The following ADAT1 variants were observed in gnomAD, a reference collection of about 807,000 sequenced individuals.
The protein encoded by ADAT1 is tRNA-specific adenosine deaminase 1.
A neutral mutation model predicts 58.6 loss-of-function variants in ADAT1; 58 were observed. That is an observed-to-expected ratio of 0.99 (90% CI 0.80 to 1.23). The LOEUF is 1.23. Ranked by LOEUF, ADAT1 falls within the 50% of genes most tolerant of loss-of-function variation. The pLI, the probability that ADAT1 is intolerant of heterozygous loss-of-function variation, is 0.00. For missense variants in ADAT1, 741 were observed against 608.6 expected (o/e 1.22, Z -2.29); for synonymous variants, 254 against 220.8 (o/e 1.15, Z -1.33).
chr16:75,602,995 C>G (rs949134547), intron 9 of ADAT1, 90 bp downstream of exon 9: 10 of 1,186,316 alleles, frequency 8.4e-6, no homozygotes, highest in East Asian at 2.3e-5. Flanking sequence ...TGCTGAACCA[C>G]CACTCCTGCC....
At chr16:75,604,645 G>C (rs1049278000) in intron 8 of ADAT1, among the ~76,000 whole-genome samples, 6 of 151,110 alleles carry the variant, frequency 4.0e-5, no homozygotes, top group Non-Finnish European at 8.8e-5. Context: ...TTTATAAAGC[G>C]CAACTATAAA....
chr16:75,606,057 G>GA (rs961601303), intron 8 of ADAT1, among the ~76,000 whole-genome samples: 1 of 150,418 alleles, frequency 6.6e-6, no homozygotes, highest in African/African-American at 2.4e-5. Context: ...AGATTGGGGG[G>GA]GGGGTCTCAT....
intron 8 of ADAT1, among the ~76,000 whole-genome samples, chr16:75,604,417 A>G (rs2081307078): frequency 8.3e-6 from 1 of 120,184 alleles, no homozygotes; most frequent in Non-Finnish European, 1.6e-5. Context: ...TGGGTGACAG[A>G]GTGAGATTCT....
chr16:75,600,168 A>G lies in ADAT1; in HGVS notation c.*48T>C. ...GCTAAGACTTGTCCTGCGTGGAGGA[A>G]GGCAGTTCAGGATGAAGGGTCCTGC... On this transcript the variant is annotated 3_prime_UTR_variant, in exon 10 of 10. Transcript: ENST00000564657. The G allele has an allele frequency of 6.2e-7, 1 of 1,608,916 alleles. No homozygotes were observed. Among genetic ancestry groups the G allele is most frequent in the East Asian group, 2.2e-5 (1 of 44,790 alleles).
rs1489220123 is a variant in ADAT1, at chr16:75,598,275, C to T, written c.*1941G>A. Reference sequence around the variant, plus strand: ...TATTTTTAGTAGAAAGGGGCTTCACCATGTTGGCCAGGATGGTCTTGATCT... The same window carrying T: ...TATTTTTAGTAGAAAGGGGCTTCACTATGTTGGCCAGGATGGTCTTGATCT... On this transcript the variant is annotated 3_prime_UTR_variant, in exon 10 of 10. Transcript: ENST00000564657. 9 of 349,982 alleles carry T rather than the reference C, an allele frequency of 2.6e-5. No individual in the cohort carries two copies. The highest frequency in any genetic ancestry group is 1.8e-4 in the South Asian group (9 of 49,074). The allele number at this position is 349,982 out of a possible 1,614,324, so 21.7% of individuals were successfully genotyped here.
intron 7 of ADAT1, 128 bp from the exon 8 acceptor site, chr16:75,608,451 C>T (rs1423559333): frequency 3.1e-5 from 24 of 769,882 alleles, no homozygotes; most frequent in Admixed American, 1.0e-4. Flanking sequence ...CAGACAATGA[C>T]TGCTATTGGA....
intron 8 of ADAT1, 37 bp from the exon 9 acceptor site, chr16:75,603,208 T>C (rs773703920): frequency 5.8e-6 from 9 of 1,562,386 alleles, no homozygotes; most frequent in Middle Eastern, 1.7e-4. Context: ...ATTTATTAAG[T>C]GTTTAGTATG....
Position 75,598,482 on chromosome 16 carries a change from T to C in ADAT1, c.*1734A>G, listed in dbSNP as rs1024135929. On this transcript the variant is annotated 3_prime_UTR_variant, in exon 10 of 10. Transcript: ENST00000564657. The stretch of plus-strand genomic sequence containing the variant: ...AATTTGTGATGAAAATGTTCTAAAA[T>C]TGATGGTTGCACAACTCTGTGGATA... Among the ~76,000 whole-genome samples, 6 of 152,088 alleles carry C rather than the reference T, an allele frequency of 3.9e-5. No homozygotes were observed. Among genetic ancestry groups the C allele is most frequent in the South Asian group, 2.1e-4 (1 of 4,832 alleles).
chr16:75,608,499 T>A (rs904721267), intron 7 of ADAT1, 176 bp from the exon 8 acceptor site: 1 of 595,448 alleles, frequency 1.7e-6, no homozygotes, highest in Admixed American at 3.1e-5. Flanking sequence ...AAGTGGTTCA[T>A]AATTCATTAT....
intron 8 of ADAT1, among the ~76,000 whole-genome samples, chr16:75,606,358 C>T (rs1597100519): frequency 6.6e-6 from 1 of 152,232 alleles, no homozygotes; most frequent in East Asian, 1.9e-4. Flanking sequence ...CTTAGCAATC[C>T]CCTCCCATAC....
At chr16:75,606,821 A>G (rs1390080265) in intron 8 of ADAT1, among the ~76,000 whole-genome samples, 2 of 152,244 alleles carry the variant, frequency 1.3e-5, no homozygotes, top group African/African-American at 4.8e-5. Flanking sequence ...AGAAACAGAT[A>G]ACTAACATAC....
intron 2 of ADAT1, 78 bp from the exon 3 acceptor site, chr16:75,620,412 C>T: frequency 6.6e-7 from 1 of 1,524,792 alleles, no homozygotes; most frequent in Non-Finnish European, 9.1e-7. Flanking sequence ...AGCCTGCACA[C>T]TCCTCTAGGG....
At chr16:75,604,750 C>A (rs1335599398) in intron 8 of ADAT1, among the ~76,000 whole-genome samples, 2 of 151,948 alleles carry the variant, frequency 1.3e-5, no homozygotes, top group African/African-American at 2.4e-5. Context: ...AAGGTTCTGG[C>A]CAGCAGGACA....
chr16:75,615,979 C>G (rs1247927909), intron 5 of ADAT1, among the ~76,000 whole-genome samples: 1 of 151,734 alleles, frequency 6.6e-6, no homozygotes, highest in African/African-American at 2.4e-5. Context: ...AAACTCTTTT[C>G]TCATACTCTT....
In ADAT1 at chr16:75,612,519, A is replaced by G; in HGVS notation, c.767T>C (p.Val256Ala). 6.2e-7 allele frequency: 1 copy of G among 1,613,934 alleles called. No homozygotes were observed. Among genetic ancestry groups the G allele is most frequent in the South Asian group, 1.1e-5 (1 of 91,070 alleles). ...IAPGSAKVID[V>A]YRTGAKCVPG... ...TACACACTTGGCTCCAGTTCTATAA[A>G]CGTCTATCACTTTGGCACTACCAGG... The change falls in exon 6 of 10, where the codon GTT becomes GCT. Residue 256 changes from valine (V) to alanine (A), a missense_variant. Val to Ala is a moderately conservative substitution (Grantham distance 64). Coordinates refer to ENST00000564657, the MANE Select transcript of ADAT1 (RefSeq NM_001324445.2).
At position 75,622,475 on chromosome 16, in the gene ADAT1, A is replaced by T. The variant is rs1284374943; in HGVS notation, c.-94T>A. 6.6e-6 allele frequency: 1 copy of T among 152,140 alleles called. No individual in the cohort carries two copies. Among genetic ancestry groups the T allele is most frequent in the African/African-American group, 2.4e-5 (1 of 41,410 alleles). The allele number at this position is 152,140 out of a possible 1,614,324, so 9.4% of individuals were successfully genotyped here. On this transcript the variant is annotated 5_prime_UTR_variant, in exon 1 of 10. Coordinates refer to ENST00000564657, the MANE Select transcript of ADAT1 (RefSeq NM_001324445.2). ...CACCTGGCCATCGACCTGAAATTAA[A>T]CCAGAGGTGCAATTCACAAACCTCG...
At chr16:75,600,479 T>C (rs1216911510) in intron 9 of ADAT1, 131 bp from the exon 10 acceptor site, 1 of 1,403,886 alleles carries the variant, frequency 7.1e-7, no homozygotes, top group African/African-American at 1.4e-5. Context: ...CAGTATGCTT[T>C]TGTGAAAGTT....
Position 75,597,925 on chromosome 16 carries a change from G to A in ADAT1, c.*2291C>T, listed in dbSNP as rs2151732634. Among the ~76,000 whole-genome samples, 1 of 152,306 alleles carries A rather than the reference G, an allele frequency of 6.6e-6. No homozygotes were observed. The stretch of plus-strand genomic sequence containing the variant: ...AGTGCTCACCTGTTACTTATCTCCT[G>A]CTGTGTGACCTTGTTCCTGACAGGC... On this transcript the variant is annotated 3_prime_UTR_variant, in exon 10 of 10. Coordinates refer to ENST00000564657, the MANE Select transcript of ADAT1 (RefSeq NM_001324445.2).
At chr16:75,615,088 G>A (rs1223484023) in intron 5 of ADAT1, among the ~76,000 whole-genome samples, 8 of 151,818 alleles carry the variant, frequency 5.3e-5, no homozygotes, top group Non-Finnish European at 1.2e-4. Context: ...TTAGCCGGGC[G>A]TGGTGGCGCA....
Sources: gnomAD v4.1 joint callset for allele counts (sites outside exome capture counted in the v4.1 genomes callset) on GRCh38, gnomAD v4.1.1 for gene constraint, MANE v1.5 for transcripts, NCBI Gene and HGNC (gene_info 2026-07-23, HGNC 2026-07-21) for gene names.